ADRA1A: variants seen among roughly 807,000 people sequenced by gnomAD.
The protein encoded by ADRA1A is adrenoceptor alpha 1A, also known as alpha-1A adrenergic receptor.
ADRA1A carries 31 observed loss-of-function variants against 29.6 expected under a neutral mutation model. That is an observed-to-expected ratio of 1.05 (90% CI 0.79 to 1.41). The LOEUF (loss-of-function observed/expected upper bound fraction) is 1.41. Ranked by LOEUF, ADRA1A falls within the 40% of genes most tolerant of loss-of-function variation. The pLI, the probability that ADRA1A is intolerant of heterozygous loss-of-function variation, is 0.00. For missense variants in ADRA1A, 619 were observed against 601.1 expected (o/e 1.03, Z -0.31); for synonymous variants, 311 against 254.3 (o/e 1.22, Z -2.12).
At chr8:26,785,906 C>A (rs1270079651) in intron 2 of ADRA1A, among the ~76,000 whole-genome samples, 1 of 152,148 alleles carries the variant, frequency 6.6e-6, no homozygotes, top group African/African-American at 2.4e-5. Context: ...CCTAGTATTG[C>A]CCCAGTCTTT....
At position 26,769,633 on chromosome 8, in the gene ADRA1A, G is replaced by A. The variant is rs1225092274; in HGVS notation, c.*516C>T. 2.0e-6 allele frequency: 2 copies of A among 985,434 alleles called. No homozygotes were observed. Among genetic ancestry groups the A allele is most frequent in the Admixed American group, 6.2e-5 (1 of 16,256 alleles). The allele number at this position is 985,434 out of a possible 1,614,324, so 61.0% of individuals were successfully genotyped here. On this transcript the variant is annotated 3_prime_UTR_variant, in exon 3 of 3. Coordinates refer to ENST00000380573, the MANE Select transcript of ADRA1A (RefSeq NM_000680.4). ...TGTATCAGAAAGGGTGGAGTTTCAG[G>A]ACTTGCTCTAAAAATAATGTGTCTG...
At chr8:26,830,639 G>A (rs1256152475) in intron 2 of ADRA1A, among the ~76,000 whole-genome samples, 1 of 152,168 alleles carries the variant, frequency 6.6e-6, no homozygotes, top group Non-Finnish European at 1.5e-5. Context: ...AATTTGCAAA[G>A]ATGAAGGTTT....
At chr8:26,776,200 G>C (rs1173236706) in intron 2 of ADRA1A, among the ~76,000 whole-genome samples, 2 of 152,224 alleles carry the variant, frequency 1.3e-5, no homozygotes, top group African/African-American at 4.8e-5. Flanking sequence ...GTTGGTGAGA[G>C]TAGGAACTGA....
Position 26,805,162 on chromosome 8 carries a change from C to A in ADRA1A, c.884-34496G>T, listed in dbSNP as rs1252354898. Among the ~76,000 whole-genome samples the A allele has an allele frequency of 2.6e-5, 4 of 152,174 alleles. No homozygotes were observed. Among genetic ancestry groups the A allele is most frequent in the African/African-American group, 9.7e-5 (4 of 41,448 alleles). On this transcript the variant is annotated intron_variant, in intron 2 of 2. Coordinates refer to ENST00000380573, the MANE Select transcript of ADRA1A (RefSeq NM_000680.4). The surrounding 1 kb of genome is among the most constrained non-coding windows in gnomAD (Gnocchi z 4.8). ...TCCTAAAACGTCAGTTATATTGTGT[C>A]CCACTGTGACGACCAAGAATGGGGC...
intron 2 of ADRA1A, among the ~76,000 whole-genome samples, chr8:26,830,728 C>T (rs1240657492): frequency 6.6e-6 from 1 of 152,178 alleles, no homozygotes; most frequent in Non-Finnish European, 1.5e-5. Context: ...TTTTCTTACC[C>T]TGAGATGATC....
chr8:26,843,430 C>T (rs530666806), intron 2 of ADRA1A, among the ~76,000 whole-genome samples: 1 of 152,254 alleles, frequency 6.6e-6, no homozygotes, highest in South Asian at 2.1e-4. Flanking sequence ...CTCATTTGTC[C>T]ACTTCTTCCC....
chr8:26,770,036 C>G lies in ADRA1A; in HGVS notation c.*113G>C, dbSNP rs908433081. 6.8e-7 allele frequency: 1 copy of G among 1,481,414 alleles called. No homozygotes were observed. The highest frequency in any genetic ancestry group is 2.3e-5 in the Admixed American group (1 of 43,072). 91.8% of individuals were successfully genotyped at this position (1,481,414 alleles called of 1,614,324 possible). On this transcript the variant is annotated 3_prime_UTR_variant, in exon 3 of 3. Transcript: ENST00000380573. Reference sequence around the variant, plus strand: ...GGTCTACCACCCACCCCATTCCCAGCAGGTCCCCTCTTTGATTGGTCCTGT... The same window carrying G: ...GGTCTACCACCCACCCCATTCCCAGGAGGTCCCCTCTTTGATTGGTCCTGT...
At chr8:26,750,391 A>G (rs1437126351) in intron 2 of ADRA1A, among the ~76,000 whole-genome samples, 3 of 152,066 alleles carry the variant, frequency 2.0e-5, no homozygotes, top group African/African-American at 7.2e-5. Flanking sequence ...TAGTAGAGAC[A>G]GGGTTTCACC....
intron 2 of ADRA1A, among the ~76,000 whole-genome samples, chr8:26,803,571 A>G (rs975385234): frequency 6.6e-6 from 1 of 152,224 alleles, no homozygotes; most frequent in Non-Finnish European, 1.5e-5. Flanking sequence ...GTAAAAGTAG[A>G]TAAATAAGCT....
At chr8:26,832,852 G>A (rs1314588372) in intron 2 of ADRA1A, among the ~76,000 whole-genome samples, 1 of 152,124 alleles carries the variant, frequency 6.6e-6, no homozygotes, top group Non-Finnish European at 1.5e-5. Flanking sequence ...TCCCGGGGAA[G>A]GCAGCATTGC....
chr8:26,836,993 A>G (rs867090140), intron 2 of ADRA1A, among the ~76,000 whole-genome samples: 14 of 152,130 alleles, frequency 9.2e-5, no homozygotes, highest in Admixed American at 2.0e-4. Flanking sequence ...TCCAGAATCC[A>G]AGGGTTTTGG....
intron 2 of ADRA1A, among the ~76,000 whole-genome samples, chr8:26,803,549 A>G (rs1585722893): frequency 6.6e-6 from 1 of 152,314 alleles, no homozygotes; most frequent in South Asian, 2.1e-4. Flanking sequence ...TAAGACTTGG[A>G]AAGTGATAAA....
At chr8:26,786,837 T>C (rs536587790) in intron 2 of ADRA1A, among the ~76,000 whole-genome samples, 4 of 152,268 alleles carry the variant, frequency 2.6e-5, no homozygotes, top group Non-Finnish European at 4.4e-5. Flanking sequence ...ATGTGGGTGA[T>C]GATTTGTTCA....
chr8:26,813,489 TATCCATCCATCCATCCATCC>T (rs35199156), intron 2 of ADRA1A, among the ~76,000 whole-genome samples: 1 of 149,816 alleles, frequency 6.7e-6, no homozygotes, highest in Non-Finnish European at 1.5e-5. Context: ...CTCTTGCATC[TATCCATCCATCCATCCATCC>T]ATCCATCCAT....
intron 2 of ADRA1A, among the ~76,000 whole-genome samples, chr8:26,801,620 A>G (rs551958071): frequency 2.6e-4 from 39 of 152,328 alleles, no homozygotes; most frequent in Non-Finnish European, 4.1e-4. Flanking sequence ...TGAAGAAGAC[A>G]CACAAAAAGT....
chr8:26,751,807 C>T (rs941452742), downstream of ADRA1A, among the ~76,000 whole-genome samples: 5 of 152,198 alleles, frequency 3.3e-5, no homozygotes, highest in Admixed American at 1.3e-4. Context: ...TTACATGTAT[C>T]GGTCCAATGA....
chr8:26,866,215 T>A lies in ADRA1A; in HGVS notation c.-686-560A>T, dbSNP rs917523015. 6.6e-6 allele frequency among the ~76,000 whole-genome samples: 1 copy of A among 152,188 alleles called. No homozygotes were observed. Among genetic ancestry groups the A allele is most frequent in the African/African-American group, 2.4e-5 (1 of 41,462 alleles). ...CTCGGGTGTGCAGAGCGCACCGGTC[T>A]GTCCACCAGCCAAGCTGGCTTGAGA... On this transcript the variant is annotated intron_variant, in intron 1 of 2. Coordinates refer to ENST00000380573, the MANE Select transcript of ADRA1A (RefSeq NM_000680.4). The surrounding 1 kb of genome is among the most constrained non-coding windows in gnomAD (Gnocchi z 5.7).
At chr8:26,784,721 C>T (rs571841418) in intron 2 of ADRA1A, among the ~76,000 whole-genome samples, 1 of 152,266 alleles carries the variant, frequency 6.6e-6, no homozygotes, top group East Asian at 1.9e-4. Flanking sequence ...GGGGATCTGG[C>T]ATGACTCTAT....
In ADRA1A at chr8:26,784,910, A is replaced by G. The variant is rs564103988; in HGVS notation, c.884-14244T>C. Among the ~76,000 whole-genome samples, 26 of 152,332 alleles carry G rather than the reference A, an allele frequency of 1.7e-4. No homozygotes were observed. In the East Asian group the frequency reaches 2.9e-3, roughly 17 times the overall value. The stretch of plus-strand genomic sequence containing the variant: ...AACTTGGCTTTACCATCAATGATAC[A>G]TGAAAAGTATCTCAGAATAGGCGGG... On this transcript the variant is annotated intron_variant, in intron 2 of 2. Transcript: ENST00000380573.
Sources: allele counts gnomAD v4.1 joint callset (sites outside exome capture counted in the v4.1 genomes callset), GRCh38; gene constraint gnomAD v4.1.1; non-coding constraint Gnocchi (gnomAD v3.1); transcripts MANE v1.5; gene names NCBI Gene and HGNC (gene_info 2026-07-23, HGNC 2026-07-21).